GLIS3: variants seen among roughly 807,000 people sequenced by gnomAD.
The protein encoded by GLIS3 is GLIS family zinc finger 3, also known as zinc finger protein GLIS3.
Under a neutral mutation model 78.6 loss-of-function variants are expected in GLIS3, and 53 were observed. That is an observed-to-expected ratio of 0.67 (90% CI 0.54 to 0.85). The LOEUF is 0.85. Among genes scored for constraint, GLIS3 ranks in the 40% least tolerant of loss-of-function variants. The pLI is 0.00. For missense variants in GLIS3, 1,703 were observed against 1,231.1 expected (o/e 1.38, Z -5.74); for synonymous variants, 684 against 509.9 (o/e 1.34, Z -4.60).
At chr9:4,093,816 G>A (rs1829716432) in intron 4 of GLIS3, among the ~76,000 whole-genome samples, 1 of 152,068 alleles carries the variant, frequency 6.6e-6, no homozygotes, top group African/African-American at 2.4e-5. Flanking sequence ...GCCATTTAAG[G>A]CCAAACATGT....
At chr9:4,454,271 C>T in the GLIS3 span, among the ~76,000 whole-genome samples, 1 of 152,094 alleles carries the variant, frequency 6.6e-6, no homozygotes, top group South Asian at 2.1e-4. Context: ...TTCCAAAGTA[C>T]TAGGATTACA....
At position 4,033,864 on chromosome 9, in the gene GLIS3, T is replaced by TAAAA. The variant is rs34745570; in HGVS notation, c.1710+83900_1710+83903dup. Among the ~76,000 whole-genome samples the TAAAA allele has an allele frequency of 5.0e-3, 340 of 67,988 alleles. 43 individuals are homozygous for TAAAA. The highest frequency in any genetic ancestry group is 0.017 in the East Asian group (29 of 1,742). The allele number at this position is 67,988 out of a possible 152,430, so 44.6% of individuals were successfully genotyped here. On this transcript the variant is annotated intron_variant, in intron 4 of 10. Transcript: ENST00000381971. Reference sequence around the variant, plus strand: ...TGCCCCCAAAAACATAGGCGAAGGATAAAAAAAAAAAAAAAAAAAAAAAAA... The same window carrying TAAAA: ...TGCCCCCAAAAACATAGGCGAAGGATAAAAAAAAAAAAAAAAAAAAAAAAAAAAA...
At chr9:4,133,857 CACACACACACACACACA>C (rs1564098428) in intron 2 of GLIS3, among the ~76,000 whole-genome samples, 33 of 94,652 alleles carry the variant, frequency 3.5e-4, no homozygotes, top group African/African-American at 9.7e-4. Flanking sequence ...CACACACACA[CACACACACACACACACA>C]CCGTACATCT....
chr9:4,052,876 T>G lies in GLIS3; in HGVS notation c.1710+64892A>C, dbSNP rs1202043907. On this transcript the variant is annotated intron_variant, in intron 4 of 10. Transcript: ENST00000381971. ...TTGCTGGGTCACATAGTAATTCTGT[T>G]TAACCTATGGAGGAACTGCCAAATG... Among the ~76,000 whole-genome samples the G allele has an allele frequency of 2.6e-5, 4 of 152,210 alleles. No individual in the cohort carries two copies. In the East Asian group the frequency reaches 7.7e-4, roughly 29 times the overall value.
chr9:3,978,393 A>G (rs908304244), intron 4 of GLIS3, among the ~76,000 whole-genome samples: 4 of 152,092 alleles, frequency 2.6e-5, no homozygotes, highest in African/African-American at 9.7e-5. Context: ...ATGTGTGTAC[A>G]CTTTTCTTTA....
chr9:3,979,659 A>G (rs1819081243), intron 4 of GLIS3, among the ~76,000 whole-genome samples: 1 of 152,100 alleles, frequency 6.6e-6, no homozygotes, highest in African/African-American at 2.4e-5. Context: ...ACCCAGCACA[A>G]CACTTACCAC....
At chr9:4,078,111 G>C (rs1828233369) in intron 4 of GLIS3, among the ~76,000 whole-genome samples, 1 of 151,634 alleles carries the variant, frequency 6.6e-6, no homozygotes, top group Admixed American at 6.5e-5. Flanking sequence ...AGTAAATTGA[G>C]AATGAATTAT....
intron 8 of GLIS3, among the ~76,000 whole-genome samples, chr9:3,858,016 A>T (rs538949134): frequency 1.3e-5 from 2 of 152,320 alleles, no homozygotes; most frequent in Admixed American, 1.3e-4. Context: ...AAAGATCCCC[A>T]GAGATGGAGG....
At chr9:4,145,538 A>T (rs1288300237) in intron 2 of GLIS3, among the ~76,000 whole-genome samples, 1 of 152,172 alleles carries the variant, frequency 6.6e-6, no homozygotes, top group Non-Finnish European at 1.5e-5. Flanking sequence ...CACAGTTCTT[A>T]AGAATGAGGC....
chr9:4,473,546 A>C, the GLIS3 span, among the ~76,000 whole-genome samples: 2 of 152,098 alleles, frequency 1.3e-5, no homozygotes, highest in South Asian at 4.1e-4. Context: ...AGGAACAGAA[A>C]ACCAAATACC....
the GLIS3 span, among the ~76,000 whole-genome samples, chr9:4,481,896 A>C: frequency 4.4e-3 from 668 of 152,356 alleles, no homozygotes; most frequent in Non-Finnish European, 7.3e-3. Flanking sequence ...CCATTTCTCC[A>C]TACCTTCTCT....
chr9:4,483,803 C>G, the GLIS3 span, among the ~76,000 whole-genome samples: 67 of 151,896 alleles, frequency 4.4e-4, no homozygotes, highest in African/African-American at 1.4e-3. Context: ...CTTTCTCCTC[C>G]TGTTACTGAC....
rs372982394 is a variant in GLIS3 at position 4,118,785 on chromosome 9, G to C, written c.693C>G (p.Tyr231Ter). The change falls in exon 4 of 11, where the codon TAC becomes TAG. Residue 231 changes from tyrosine (Y) to a stop codon, truncating the protein, a stop_gained. Coordinates refer to ENST00000381971, the MANE Select transcript of GLIS3 (RefSeq NM_001042413.2). LOFTEE classifies it high-confidence loss of function. This position sits in a 1 kb window ranked among gnomAD's most constrained non-coding sequence, Gnocchi z 4.7. ...GGTTGGAGAGCGAAGGGAGGGCCCT[G>C]TAGCCCTGGGACCACTCCTGCTTCA... is the stretch of plus-strand genomic sequence containing the variant. ...SSMKQEWSQG[Y>*]RALPSLSNHG... 1 of 1,611,812 alleles carries C rather than the reference G, an allele frequency of 6.2e-7. No homozygotes were observed. The highest frequency in any genetic ancestry group is 1.3e-5 in the African/African-American group (1 of 74,912).
At chr9:3,931,719 G>T (rs894170286) in intron 6 of GLIS3, among the ~76,000 whole-genome samples, 1 of 152,116 alleles carries the variant, frequency 6.6e-6, no homozygotes, top group Non-Finnish European at 1.5e-5. Context: ...GGACAGGATG[G>T]TTGGTCTCTA....
At chr9:4,391,240 G>A in the GLIS3 span, among the ~76,000 whole-genome samples, 5 of 152,162 alleles carry the variant, frequency 3.3e-5, no homozygotes, top group African/African-American at 1.2e-4. Context: ...GTGGGGACAT[G>A]GGGGGTACCT....
At chr9:4,113,218 A>G (rs1831372616) in intron 4 of GLIS3, among the ~76,000 whole-genome samples, 1 of 152,096 alleles carries the variant, frequency 6.6e-6, no homozygotes, top group Admixed American at 6.5e-5. Context: ...ATAGTATTTC[A>G]TTAGGAATAA....
chr9:3,888,493 T>TATCA (rs1388711403), intron 7 of GLIS3, among the ~76,000 whole-genome samples: 5 of 152,212 alleles, frequency 3.3e-5, no homozygotes, highest in African/African-American at 1.2e-4. Context: ...AGGGATGACC[T>TATCA]ATCAATCAAC....
intron 4 of GLIS3, among the ~76,000 whole-genome samples, chr9:4,016,808 T>C (rs779125014): frequency 2.0e-5 from 3 of 152,186 alleles, no homozygotes; most frequent in Non-Finnish European, 4.4e-5. Context: ...TAGGACTCCA[T>C]TGTTGGGCAA....
intron 4 of GLIS3, among the ~76,000 whole-genome samples, chr9:3,945,081 C>G (rs1020722854): frequency 6.6e-6 from 1 of 152,168 alleles, no homozygotes; most frequent in African/African-American, 2.4e-5. Flanking sequence ...AAAATCTAAC[C>G]ACTTTTTAAG....
Sources: gnomAD v4.1 joint callset for allele counts (sites outside exome capture counted in the v4.1 genomes callset) on GRCh38, gnomAD v4.1.1 for gene constraint, Gnocchi (gnomAD v3.1) non-coding constraint, MANE v1.5 for transcripts, NCBI Gene and HGNC (gene_info 2026-07-23, HGNC 2026-07-21) for gene names.